IGFL2: variants seen among roughly 807,000 people sequenced by gnomAD.
IGFL2 encodes the protein IGF like family member 2.
IGFL2 carries 7 observed loss-of-function variants against 13.9 expected under a neutral mutation model. That is an observed-to-expected ratio of 0.51 (90% confidence interval 0.29 to 0.95). The LOEUF (loss-of-function observed/expected upper bound fraction) is 0.95. Ranked by LOEUF, IGFL2 falls within the 40% of genes least tolerant of loss-of-function variation. The pLI, the probability that IGFL2 is intolerant of heterozygous loss-of-function variation, is 0.08. For synonymous variants in IGFL2, 55 were observed against 55.8 expected, an observed-to-expected ratio of 0.99 and a Z score of 0.07; for missense variants, 138 against 147.8, an observed-to-expected ratio of 0.93 and a Z score of 0.34.
At chr19:46,166,764 A>T in the IGFL2 span, among the ~76,000 whole-genome samples, 8 of 152,302 alleles carry the variant, frequency 5.3e-5, no homozygotes, top group African/African-American at 1.9e-4. Context: ...GAATTCAGCG[A>T]TATTTCTCCC....
the IGFL2 span, chr19:46,211,510 A>G: frequency 6.6e-6 from 1 of 151,898 alleles, no homozygotes; most frequent in Admixed American, 6.6e-5. Context: ...GATTCCTTCT[A>G]TTTTTTCCTG....
chr19:46,129,308 TG>T, the IGFL2 span, among the ~76,000 whole-genome samples: 27 of 15,656 alleles, frequency 1.7e-3, no homozygotes, highest in African/African-American at 6.8e-3. Context: ...GTTGATCTTT[TG>T]TGTGTGTGTG....
chr19:46,124,237 C>G, the IGFL2 span: 1 of 1,609,206 alleles, frequency 6.2e-7, no homozygotes, highest in Admixed American at 1.7e-5. Flanking sequence ...ACCACCTCTT[C>G]CCTCCTCATT....
chr19:46,112,535 C>T, the IGFL2 span, among the ~76,000 whole-genome samples: 1 of 152,182 alleles, frequency 6.6e-6, no homozygotes, highest in African/African-American at 2.4e-5. Context: ...TGCCAGGAGC[C>T]TGGAGGCGAA....
intron 1 of IGFL2, among the ~76,000 whole-genome samples, chr19:46,158,814 A>G (rs1184399593): frequency 6.6e-6 from 1 of 152,140 alleles, no homozygotes; most frequent in Non-Finnish European, 1.5e-5. Context: ...CCCTAAGGTT[A>G]CTGATGCGGT....
At chr19:46,158,294 C>T (rs558681809) in intron 1 of IGFL2, among the ~76,000 whole-genome samples, 66 of 152,048 alleles carry the variant, frequency 4.3e-4, no homozygotes, top group African/African-American at 9.4e-4. Context: ...TGCAAACCTC[C>T]GCCTCCCGGG....
At chr19:46,161,324 T>C (rs1002115217), downstream of IGFL2, 39 of 414,190 alleles carry the variant, frequency 9.4e-5, no homozygotes, top group Middle Eastern at 1.0e-3. Flanking sequence ...CTTTCTTTTT[T>C]TTTTTTTTTT....
chr19:46,129,566 T>C, the IGFL2 span, among the ~76,000 whole-genome samples: 2 of 152,304 alleles, frequency 1.3e-5, no homozygotes, highest in East Asian at 3.9e-4. Flanking sequence ...TGTATCTTTG[T>C]TCTCATTGGT....
At chr19:46,185,134 A>G in the IGFL2 span, among the ~76,000 whole-genome samples, 6 of 151,976 alleles carry the variant, frequency 3.9e-5, no homozygotes, top group Non-Finnish European at 7.4e-5. Flanking sequence ...AGTTCTTTGT[A>G]GATTCTGGAT....
the IGFL2 span, among the ~76,000 whole-genome samples, chr19:46,181,752 T>C: frequency 6.6e-6 from 1 of 152,214 alleles, no homozygotes; most frequent in African/African-American, 2.4e-5. Context: ...TTTGAGGAGT[T>C]TCTCTCTGTT....
At chr19:46,176,009 A>T in the IGFL2 span, among the ~76,000 whole-genome samples, 2 of 71,904 alleles carry the variant, frequency 2.8e-5, no homozygotes, top group Non-Finnish European at 2.5e-5. Flanking sequence ...CGCCCGACTA[A>T]TTTTTTTTTT....
At chr19:46,093,418 A>G in the IGFL2 span, among the ~76,000 whole-genome samples, 1 of 152,232 alleles carries the variant, frequency 6.6e-6, no homozygotes, top group Non-Finnish European at 1.5e-5. Flanking sequence ...TTTGTAAAAG[A>G]CATCTACAAA....
rs570798355 is a variant in IGFL2, at chr19:46,151,145, T to G, written c.19+2848T>G. Among the ~76,000 whole-genome samples the G allele has an allele frequency of 2.1e-4, 32 of 152,358 alleles. 1 individual carries two copies. The South Asian group carries it at 5.8e-3, about 28-fold the overall frequency. The stretch of plus-strand genomic sequence containing the variant: ...CTATGAGTTCAACTCTTTTAGATTC[T>G]ACATACAAGTGAGATGGTGTGGTAT... On this transcript the variant is annotated intron_variant, in intron 1 of 3. Coordinates refer to ENST00000377693, the MANE Select transcript of IGFL2 (RefSeq NM_001135113.2).
At chr19:46,102,855 A>AT in the IGFL2 span, among the ~76,000 whole-genome samples, 72 of 152,168 alleles carry the variant, frequency 4.7e-4, no homozygotes, top group African/African-American at 1.6e-3. Flanking sequence ...ATAATGGGCA[A>AT]TTTTTCTCAT....
the IGFL2 span, among the ~76,000 whole-genome samples, chr19:46,186,889 G>C: frequency 5.9e-5 from 9 of 152,214 alleles, no homozygotes; most frequent in African/African-American, 1.9e-4. Context: ...TAACGAGCCT[G>C]CTCTTCAGTG....
At chr19:46,109,376 G>T in the IGFL2 span, among the ~76,000 whole-genome samples, 3 of 151,362 alleles carry the variant, frequency 2.0e-5, no homozygotes, top group African/African-American at 7.3e-5. Flanking sequence ...GTGCAGTGGC[G>T]CAATCTTGGC....
intron 1 of IGFL2, among the ~76,000 whole-genome samples, chr19:46,156,745 G>A (rs1973845112): frequency 6.6e-6 from 1 of 151,698 alleles, no homozygotes; most frequent in Non-Finnish European, 1.5e-5. Context: ...AAATAAAAGA[G>A]CAAAATAAAC....
the IGFL2 span, among the ~76,000 whole-genome samples, chr19:46,176,509 A>G: frequency 2.6e-5 from 4 of 152,166 alleles, no homozygotes; most frequent in Non-Finnish European, 5.9e-5. Context: ...GAAACCCTCA[A>G]CCACTAAGGC....
chr19:46,150,053 C>T lies in IGFL2; in HGVS notation c.19+1756C>T, dbSNP rs535742246. ...TCAACCTTTGTTATTTTCTATTTTC[C>T]TGTTTATTACAGTCATCTGGGTGGG... On this transcript the variant is annotated intron_variant, in intron 1 of 3. Coordinates refer to ENST00000377693, the MANE Select transcript of IGFL2 (RefSeq NM_001135113.2). 8.3e-4 allele frequency among the ~76,000 whole-genome samples: 127 copies of T among 152,224 alleles called. 2 individuals are homozygous for T. The Middle Eastern group carries it at 0.017, about 20-fold the overall frequency.
Sources: allele counts gnomAD v4.1 joint callset (sites outside exome capture counted in the v4.1 genomes callset), GRCh38; gene constraint gnomAD v4.1.1; transcripts MANE v1.5; gene names NCBI Gene and HGNC (gene_info 2026-07-23, HGNC 2026-07-21).